The following UNC13C variants were observed in gnomAD, a reference collection of about 807,000 sequenced individuals.
The protein encoded by UNC13C is protein unc-13 homolog C.
Under a neutral mutation model 245.4 loss-of-function variants are expected in UNC13C, and 174 were observed. That is an observed-to-expected ratio of 0.71 (90% CI 0.63 to 0.80). The LOEUF (loss-of-function observed/expected upper bound fraction) is 0.80, where lower values mean the gene tolerates loss of function less well. UNC13C is among the 30% of genes least tolerant of loss of function. UNC13C has a pLI of 0.00. For missense variants in UNC13C, 2,829 were observed against 2,602.9 expected, an observed-to-expected ratio of 1.09 and a Z score of -1.89; for synonymous variants, 992 against 895.1, an observed-to-expected ratio of 1.11 and a Z score of -1.93.
chr15:54,297,965 A>G (rs201515214), intron 12 of UNC13C, 39 bp downstream of exon 12: 10 of 1,265,954 alleles, frequency 7.9e-6, no homozygotes, highest in Middle Eastern at 2.5e-4. Context: ...AATATAAGAA[A>G]TGTTCTTGAT....
chr15:54,305,516 A>AT (rs397824033), intron 13 of UNC13C, among the ~76,000 whole-genome samples: 2 of 152,020 alleles, frequency 1.3e-5, no homozygotes, highest in African/African-American at 4.8e-5. Context: ...TGAAAAAAAA[A>AT]CTGTTTATGA....
chr15:54,614,401 T>C (rs1354796810), intron 30 of UNC13C, among the ~76,000 whole-genome samples: 1 of 151,926 alleles, frequency 6.6e-6, no homozygotes, highest in African/African-American at 2.4e-5. Context: ...TCTTTGAATC[T>C]TTTTGAATCC....
chr15:54,454,374 C>T (rs777782375), intron 19 of UNC13C, among the ~76,000 whole-genome samples: 1 of 151,922 alleles, frequency 6.6e-6, no homozygotes. Flanking sequence ...GTCAGGAGTT[C>T]GAGACCAGCC....
chr15:53,983,601 A>G (rs879494790), intron 1 of UNC13C, among the ~76,000 whole-genome samples: 17 of 152,108 alleles, frequency 1.1e-4, no homozygotes, highest in African/African-American at 3.9e-4. Flanking sequence ...ATTTTTTTAA[A>G]TAATAAATAT....
chr15:54,119,862 A>C (rs1003164780), intron 2 of UNC13C, among the ~76,000 whole-genome samples: 1 of 152,216 alleles, frequency 6.6e-6, no homozygotes, highest in African/African-American at 2.4e-5. Context: ...CTCTTCCTTA[A>C]GCCAAAGCCT....
In UNC13C at chr15:54,298,073, G is replaced by A. The variant is rs796440871; in HGVS notation, c.4104+147G>A. 9.6e-6 allele frequency: 6 copies of A among 625,164 alleles called. No individual in the cohort carries two copies. In the East Asian group the frequency reaches 1.4e-4, roughly 15 times the overall value. The allele number at this position is 625,164 out of a possible 1,614,324, so 38.7% of individuals were successfully genotyped here. ...TATACTACAGCAGGTGATATACTAA[G>A]ATATCATAAATTCTATGTGTTGTAT... is the stretch of plus-strand genomic sequence containing the variant. On this transcript the variant is annotated intron_variant, in intron 12 of 32. Coordinates refer to ENST00000260323, the MANE Select transcript of UNC13C (RefSeq NM_001080534.3).
intron 15 of UNC13C, among the ~76,000 whole-genome samples, chr15:54,333,097 G>T (rs1208339688): frequency 6.6e-6 from 1 of 151,924 alleles, no homozygotes; most frequent in Non-Finnish European, 1.5e-5. Context: ...CGTAATTAGC[G>T]ATGGTTTTCC....
At chr15:54,075,549 C>T (rs1328777914) in intron 2 of UNC13C, among the ~76,000 whole-genome samples, 4 of 26,714 alleles carry the variant, frequency 1.5e-4, no homozygotes, top group African/African-American at 2.5e-4. Flanking sequence ...GAGACTCTGT[C>T]TCAAAAAAAA....
At chr15:54,227,978 A>G (rs1026865716) in intron 4 of UNC13C, among the ~76,000 whole-genome samples, 2 of 152,168 alleles carry the variant, frequency 1.3e-5, no homozygotes, top group Non-Finnish European at 2.9e-5. Context: ...CAGAGATGCC[A>G]TCCAGGAGCT....
Position 54,013,234 on chromosome 15 carries a change from A to T in UNC13C, c.331A>T (p.Ser111Cys), listed in dbSNP as rs747073939. 5.0e-6 allele frequency: 8 copies of T among 1,613,708 alleles called. No individual in the cohort carries two copies. The highest frequency in any genetic ancestry group is 4.2e-6 in the Non-Finnish European group (5 of 1,179,846). ...GLQKNAKVTN[S>C]DNEDLLQELS... ...ACAAAAGAATGCTAAAGTAACCAAC[A>T]GTGATAATGAGGATCTGCTTCAAGA... is the stretch of plus-strand genomic sequence containing the variant. Residue 111 changes from serine to cysteine, a missense_variant, in exon 2 of 33, where the codon AGT becomes TGT. By Grantham distance (112) the Ser-to-Cys change is moderately radical (BLOSUM62 -1). Coordinates refer to ENST00000260323, the MANE Select transcript of UNC13C (RefSeq NM_001080534.3).
intron 24 of UNC13C, among the ~76,000 whole-genome samples, chr15:54,525,176 A>C (rs1895391402): frequency 6.6e-6 from 1 of 152,312 alleles, no homozygotes; most frequent in Non-Finnish European, 1.5e-5. Flanking sequence ...GATTTAAATA[A>C]ATTTTGAAGC....
chr15:54,299,071 T>A (rs947578411), intron 12 of UNC13C, among the ~76,000 whole-genome samples: 1 of 152,104 alleles, frequency 6.6e-6, no homozygotes, highest in African/African-American at 2.4e-5. Context: ...TCAAGAGAGA[T>A]GGTTCATTTT....
intron 2 of UNC13C, among the ~76,000 whole-genome samples, chr15:54,077,725 T>A (rs1156972679): frequency 1.3e-5 from 2 of 152,146 alleles, no homozygotes; most frequent in African/African-American, 4.8e-5. Flanking sequence ...CCATAACATC[T>A]AATTAAATTT....
At chr15:54,077,562 A>G (rs964289012) in intron 2 of UNC13C, among the ~76,000 whole-genome samples, 2 of 151,120 alleles carry the variant, frequency 1.3e-5, no homozygotes, top group Non-Finnish European at 3.0e-5. Context: ...CATTTTTAGT[A>G]TAGACTGCAT....
intron 19 of UNC13C, among the ~76,000 whole-genome samples, chr15:54,438,892 C>G (rs1270307554): frequency 6.6e-6 from 1 of 151,924 alleles, no homozygotes; most frequent in Admixed American, 6.6e-5. Context: ...ACTCAGAGTC[C>G]AAGCTCTTAA....
intron 2 of UNC13C, among the ~76,000 whole-genome samples, chr15:54,071,566 GTGTAGGCAAACAA>G (rs1385884682): frequency 2.0e-5 from 3 of 152,076 alleles, no homozygotes; most frequent in Non-Finnish European, 4.4e-5. Flanking sequence ...CTCCAATCCA[GTGTAGGCAAACAA>G]TGGTCTATGG....
At chr15:54,556,456 T>C (rs1453756946) in intron 29 of UNC13C, among the ~76,000 whole-genome samples, 3 of 152,038 alleles carry the variant, frequency 2.0e-5, no homozygotes, top group Admixed American at 2.0e-4. Context: ...AGGCAGTCTT[T>C]TGCTGCTGCA....
chr15:53,999,097 A>C (rs565894307), intron 1 of UNC13C, among the ~76,000 whole-genome samples: 1 of 152,080 alleles, frequency 6.6e-6, no homozygotes, highest in East Asian at 1.9e-4. Flanking sequence ...TTTTGAAATC[A>C]TGGTTTTGTG....
intron 29 of UNC13C, among the ~76,000 whole-genome samples, chr15:54,560,361 T>C (rs1897252917): frequency 6.6e-6 from 1 of 151,738 alleles, no homozygotes; most frequent in African/African-American, 2.4e-5. Flanking sequence ...ATTCAGAGAG[T>C]TTTATTGGGA....
Sources: gnomAD v4.1 joint callset for allele counts (sites outside exome capture counted in the v4.1 genomes callset) on GRCh38, gnomAD v4.1.1 for gene constraint, MANE v1.5 for transcripts, NCBI Gene and HGNC (gene_info 2026-07-23, HGNC 2026-07-21) for gene names.